Variants in DPP6 observed in about 807,000 individuals in gnomAD.
DPP6 encodes the protein A-type potassium channel modulatory protein DPP6.
A neutral mutation model predicts 122.6 loss-of-function variants in DPP6; 69 were observed. The observed-to-expected ratio is 0.56, with a 90% CI of 0.46 to 0.69. The LOEUF is 0.69. DPP6 is among the 30% of genes least tolerant of loss of function. DPP6 has a pLI of 0.00. For synonymous variants in DPP6, 418 were observed against 433.1 expected, an observed-to-expected ratio of 0.97 and a Z score of 0.43; for missense variants, 928 against 1,116.9, an observed-to-expected ratio of 0.83 and a Z score of 2.41.
chr7:154,523,271 G>T (rs1487518389), intron 3 of DPP6, among the ~76,000 whole-genome samples: 1 of 152,130 alleles, frequency 6.6e-6, no homozygotes, highest in Non-Finnish European at 1.5e-5. Flanking sequence ...CTACAGAAAA[G>T]TAGAAAACAT....
rs562034391 is a variant in DPP6 at position 154,628,039 on chromosome 7, G to T, written c.628-9782G>T. ...CCCACTGAGAGCAGATAGCGGGGAGGCAGAGGTCAGCACCTGCTTGCCTGG... is the reference window on the plus strand; with the variant it reads ...CCCACTGAGAGCAGATAGCGGGGAGTCAGAGGTCAGCACCTGCTTGCCTGG... On this transcript the variant is annotated intron_variant, in intron 5 of 25. Transcript: ENST00000377770. Among the ~76,000 whole-genome samples the T allele has an allele frequency of 1.1e-4, 17 of 152,312 alleles. No individual in the cohort carries two copies. In the South Asian group the frequency reaches 3.5e-3, roughly 32 times the overall value.
At chr7:154,252,543 A>G (rs1018122968) in intron 1 of DPP6, among the ~76,000 whole-genome samples, 4 of 152,092 alleles carry the variant, frequency 2.6e-5, no homozygotes, top group Non-Finnish European at 2.9e-5. Context: ...ACCCTGTTCT[A>G]CCTCCACCCC....
At chr7:154,224,937 G>A (rs1800507670) in intron 1 of DPP6, among the ~76,000 whole-genome samples, 1 of 152,094 alleles carries the variant, frequency 6.6e-6, no homozygotes, top group Non-Finnish European at 1.5e-5. Flanking sequence ...GAGGCCAGGA[G>A]TTTGAGACCA....
At chr7:154,890,671 GAC>G (rs1806528899) in intron 25 of DPP6, 2 of 152,210 alleles carry the variant, frequency 1.3e-5, no homozygotes, top group Admixed American at 1.3e-4. Context: ...CCCACCCAGG[GAC>G]ACACATGTGG....
intron 7 of DPP6, among the ~76,000 whole-genome samples, chr7:154,705,529 TCTGA>T (rs1354732694): frequency 6.6e-6 from 1 of 152,146 alleles, no homozygotes; most frequent in Non-Finnish European, 1.5e-5. Flanking sequence ...AGCAGTAGAC[TCTGA>T]AGCTCCAGGA....
Position 154,483,517 on chromosome 7 carries a change from A to G in DPP6, c.457+8480A>G, listed in dbSNP as rs2151374848. On this transcript the variant is annotated intron_variant, in intron 3 of 25. Coordinates refer to ENST00000377770, the MANE Select transcript of DPP6 (RefSeq NM_130797.4). This position sits in a 1 kb window ranked among gnomAD's most constrained non-coding sequence, Gnocchi z 8.1. ...AAGGCTTTTACAGAACAAAGACAGA[A>G]GCAAAGCAACTATCTGATTGGTTAC... Among the ~76,000 whole-genome samples, 1 of 152,336 alleles carries G rather than the reference A, an allele frequency of 6.6e-6. No homozygotes were observed. Among genetic ancestry groups the G allele is most frequent in the South Asian group, 2.1e-4 (1 of 4,828 alleles).
At chr7:154,722,562 G>GA (rs1278263994) in intron 7 of DPP6, among the ~76,000 whole-genome samples, 2 of 152,192 alleles carry the variant, frequency 1.3e-5, no homozygotes, top group Non-Finnish European at 2.9e-5. Context: ...AAATACATGA[G>GA]AAAAATCGTG....
At chr7:153,779,364 A>G in the DPP6 span, among the ~76,000 whole-genome samples, 1 of 151,912 alleles carries the variant, frequency 6.6e-6, no homozygotes, top group Non-Finnish European at 1.5e-5. Context: ...TTAATGCTAA[A>G]ATTGGTGAGC....
chr7:154,470,338 A>G (rs897232062), intron 2 of DPP6, among the ~76,000 whole-genome samples: 7 of 152,192 alleles, frequency 4.6e-5, no homozygotes, highest in African/African-American at 1.7e-4. Context: ...CACTCGGAAG[A>G]CTATAAAGCA....
intron 3 of DPP6, among the ~76,000 whole-genome samples, chr7:154,529,092 C>T (rs368596993): frequency 2.6e-5 from 4 of 152,138 alleles, no homozygotes; most frequent in Non-Finnish European, 5.9e-5. Flanking sequence ...ATAAGGAGAG[C>T]GACCCATTAG....
At chr7:153,953,858 C>T (rs1431772942) in intron 1 of DPP6, among the ~76,000 whole-genome samples, 1 of 152,190 alleles carries the variant, frequency 6.6e-6, no homozygotes, top group Non-Finnish European at 1.5e-5. Context: ...AGGGAATTTG[C>T]TCACCTCATG....
chr7:154,252,661 G>A (rs763821924), intron 1 of DPP6, among the ~76,000 whole-genome samples: 4 of 152,134 alleles, frequency 2.6e-5, no homozygotes, highest in Non-Finnish European at 5.9e-5. Flanking sequence ...GATTATGGCA[G>A]CTTAAAAAAA....
intron 16 of DPP6, among the ~76,000 whole-genome samples, chr7:154,828,321 T>C (rs932989493): frequency 6.6e-6 from 1 of 150,466 alleles, no homozygotes; most frequent in Admixed American, 6.6e-5. Context: ...GTAAAATCTT[T>C]TTTTTTTAAT....
intron 8 of DPP6, among the ~76,000 whole-genome samples, chr7:154,733,357 C>T (rs1400252441): frequency 6.6e-6 from 1 of 152,252 alleles, no homozygotes; most frequent in African/African-American, 2.4e-5. Context: ...GCTGGATGAG[C>T]ACCAAACCCT....
intron 2 of DPP6, among the ~76,000 whole-genome samples, chr7:154,465,259 T>G (rs779085596): frequency 1.3e-5 from 2 of 152,234 alleles, no homozygotes; most frequent in Non-Finnish European, 2.9e-5. Flanking sequence ...GAAAAATTTT[T>G]GAAAATACAA....
intron 10 of DPP6, among the ~76,000 whole-genome samples, chr7:154,783,799 G>T (rs1393065037): frequency 2.0e-5 from 3 of 152,092 alleles, no homozygotes; most frequent in African/African-American, 4.8e-5. Flanking sequence ...GTCTCAAGGA[G>T]CTCCCCGCCT....
At chr7:154,137,232 T>TG (rs1246584479) in intron 1 of DPP6, among the ~76,000 whole-genome samples, 7 of 152,174 alleles carry the variant, frequency 4.6e-5, no homozygotes, top group African/African-American at 1.7e-4. Context: ...GTGTCTAGTT[T>TG]GGGGCCACCT....
At chr7:154,183,732 C>A (rs1798212638) in intron 1 of DPP6, among the ~76,000 whole-genome samples, 1 of 152,190 alleles carries the variant, frequency 6.6e-6, no homozygotes, top group African/African-American at 2.4e-5. Flanking sequence ...ACCACAACAC[C>A]GGATAGAAAC....
intron 1 of DPP6, among the ~76,000 whole-genome samples, chr7:154,289,435 C>G (rs1288720062): frequency 6.6e-6 from 1 of 152,134 alleles, no homozygotes; most frequent in Non-Finnish European, 1.5e-5. Context: ...ACATTGAATC[C>G]AGGGTGAAAG....
Sources: allele counts gnomAD v4.1 joint callset (sites outside exome capture counted in the v4.1 genomes callset), GRCh38; gene constraint gnomAD v4.1.1; non-coding constraint Gnocchi (gnomAD v3.1); transcripts MANE v1.5; gene names NCBI Gene and HGNC (gene_info 2026-07-23, HGNC 2026-07-21).